Variants in PATJ observed in about 807,000 individuals in gnomAD.
PATJ encodes inaD-like protein.
PATJ carries 190 observed loss-of-function variants against 224.9 expected under a neutral mutation model. The ratio of observed to expected loss-of-function variants is 0.84; its 90% CI spans 0.75 to 0.95. PATJ has a LOEUF of 0.95. Among genes scored for constraint, PATJ ranks in the 40% least tolerant of loss-of-function variants. The pLI is 0.00. For missense variants in PATJ, 2,121 were observed against 2,270.3 expected, an observed-to-expected ratio of 0.93 and a Z score of 1.34; for synonymous variants, 769 against 820.3, an observed-to-expected ratio of 0.94 and a Z score of 1.07.
At chr1:61,768,371 G>A (rs1646409385) in intron 4 of PATJ, among the ~76,000 whole-genome samples, 1 of 152,064 alleles carries the variant, frequency 6.6e-6, no homozygotes, top group South Asian at 2.1e-4. Flanking sequence ...TCGGGAGGCT[G>A]AGGCAGGAGA....
intron 14 of PATJ, among the ~76,000 whole-genome samples, chr1:61,810,801 G>A (rs890024673): frequency 1.3e-5 from 2 of 152,172 alleles, no homozygotes; most frequent in African/African-American, 4.8e-5. Flanking sequence ...GTGGGCACCT[G>A]TAATCCTAGC....
At chr1:62,130,171 A>G (rs147007849) in intron 41 of PATJ, among the ~76,000 whole-genome samples, 1 of 150,090 alleles carries the variant, frequency 6.7e-6, no homozygotes, top group Non-Finnish European at 1.5e-5. Flanking sequence ...CGTCTCTACA[A>G]AAAAGTTAAA....
intron 26 of PATJ, among the ~76,000 whole-genome samples, chr1:61,920,996 G>A (rs1253271906): frequency 2.0e-5 from 3 of 152,020 alleles, no homozygotes; most frequent in Non-Finnish European, 4.4e-5. Context: ...ATGAACCACC[G>A]CACCTGGCCT....
At chr1:61,874,318 C>T (rs2149024258) in intron 20 of PATJ, among the ~76,000 whole-genome samples, 1 of 152,226 alleles carries the variant, frequency 6.6e-6, no homozygotes, top group South Asian at 2.1e-4. Context: ...TCTCCTCAGC[C>T]TCCCAAGTAG....
intron 3 of PATJ, among the ~76,000 whole-genome samples, chr1:61,764,641 G>A (rs562932467): frequency 2.0e-5 from 3 of 151,688 alleles, no homozygotes; most frequent in Non-Finnish European, 4.4e-5. Flanking sequence ...ACAAAATTTG[G>A]GAAAAAATGG....
chr1:61,783,137 G>C (rs1486577595), intron 7 of PATJ, among the ~76,000 whole-genome samples: 1 of 152,098 alleles, frequency 6.6e-6, no homozygotes, highest in African/African-American at 2.4e-5. Context: ...TGGTTGGTTA[G>C]TCCCAAGCAA....
chr1:62,158,567 A>G (rs1669495058), intron 43 of PATJ, among the ~76,000 whole-genome samples: 1 of 148,614 alleles, frequency 6.7e-6, no homozygotes, highest in Non-Finnish European at 1.5e-5. Context: ...TAAAAATACA[A>G]AAAATTAGCC....
chr1:61,763,694 C>CT, intron 3 of PATJ, among the ~76,000 whole-genome samples: 1 of 151,168 alleles, frequency 6.6e-6, no homozygotes, highest in Non-Finnish European at 1.5e-5. Context: ...AGGTTTCTCT[C>CT]TGTCACTGAG....
chr1:62,123,134 C>A (rs1665281396), intron 39 of PATJ, 76 bp downstream of exon 39: 11 of 1,005,740 alleles, frequency 1.1e-5, no homozygotes, highest in African/African-American at 1.6e-5. Flanking sequence ...TTCCCCAATA[C>A]AGTTTATTGG....
At chr1:61,847,966 T>G (rs1662231425) in intron 17 of PATJ, among the ~76,000 whole-genome samples, 1 of 152,240 alleles carries the variant, frequency 6.6e-6, no homozygotes. Context: ...AATACCCTTT[T>G]TGAGTTTTGT....
chr1:61,910,442 G>T lies in PATJ; in HGVS notation c.3492+1960G>T, dbSNP rs144429104. The stretch of plus-strand genomic sequence containing the variant: ...GTTCATCAGGCATTGAACCATCTGT[G>T]GTTCTAGCCAAGGGAGCATATCCCA... On this transcript the variant is annotated intron_variant, in intron 25 of 43. Transcript: ENST00000642238. 2.6e-3 allele frequency among the ~76,000 whole-genome samples: 398 copies of T among 150,970 alleles called. 3 individuals carry two copies. Among genetic ancestry groups the T allele is most frequent in the African/African-American group, 9.2e-3 (380 of 41,266 alleles).
chr1:62,020,786 A>C (rs1407625674), intron 29 of PATJ, among the ~76,000 whole-genome samples: 1 of 152,166 alleles, frequency 6.6e-6, no homozygotes, highest in African/African-American at 2.4e-5. Flanking sequence ...GCTATAACAA[A>C]ATACCCGAGT....
intron 1 of PATJ, among the ~76,000 whole-genome samples, chr1:61,759,650 C>T (rs549320562): frequency 3.5e-4 from 53 of 152,342 alleles, no homozygotes; most frequent in Admixed American, 1.3e-3. Flanking sequence ...TCAAGTGATC[C>T]GCCTACCTTG....
chr1:61,790,509 T>C (rs1307986252), intron 8 of PATJ, among the ~76,000 whole-genome samples: 3 of 81,992 alleles, frequency 3.7e-5, no homozygotes, highest in Non-Finnish European at 8.1e-5. Context: ...TCTTCTTCTT[T>C]TTTTTGTTTT....
intron 33 of PATJ, among the ~76,000 whole-genome samples, chr1:62,107,162 C>T (rs1410576161): frequency 5.9e-5 from 9 of 152,060 alleles, no homozygotes; most frequent in East Asian, 3.9e-4. Context: ...AAAAATTAGC[C>T]GGACGTGGTG....
intron 34 of PATJ, among the ~76,000 whole-genome samples, chr1:62,113,378 T>C (rs561435888): frequency 6.6e-6 from 1 of 152,308 alleles, no homozygotes; most frequent in East Asian, 1.9e-4. Flanking sequence ...GCCTCATGCC[T>C]GTAATCCCAG....
chr1:62,095,128 G>A (rs564815771), intron 33 of PATJ, among the ~76,000 whole-genome samples: 42 of 152,238 alleles, frequency 2.8e-4, no homozygotes, highest in African/African-American at 9.4e-4. Flanking sequence ...TATCTTCAAA[G>A]GCAATAATCT....
intron 33 of PATJ, among the ~76,000 whole-genome samples, chr1:62,102,173 T>A (rs1298094589): frequency 6.7e-6 from 1 of 148,650 alleles, no homozygotes; most frequent in Non-Finnish European, 1.5e-5. Context: ...AGCGAGACCC[T>A]GTCTCAAATA....
chr1:61,749,433 T>C (rs988396114), intron 1 of PATJ, among the ~76,000 whole-genome samples: 3 of 152,186 alleles, frequency 2.0e-5, no homozygotes, highest in African/African-American at 7.2e-5. Flanking sequence ...GCTCATAGGC[T>C]ATAGAATTTC....
Sources: gnomAD v4.1 joint callset for allele counts (sites outside exome capture counted in the v4.1 genomes callset) on GRCh38, gnomAD v4.1.1 for gene constraint, MANE v1.5 for transcripts, NCBI Gene and HGNC (gene_info 2026-07-23, HGNC 2026-07-21) for gene names.